The following LGR4 variants were observed in gnomAD, a reference collection of about 807,000 sequenced individuals.
The protein encoded by LGR4 is leucine rich repeat containing G protein-coupled receptor 4, also known as leucine-rich repeat-containing G protein-coupled receptor 4.
In LGR4, 44 loss-of-function variants were observed where a neutral mutation model predicts 84.8. The observed-to-expected ratio is 0.52, with a 90% CI of 0.41 to 0.67. LGR4 has a LOEUF of 0.67. Ranked by LOEUF, LGR4 falls within the 30% of genes least tolerant of loss-of-function variation. The probability of loss-of-function intolerance (pLI) is 0.00; values close to 1 mark genes in which losing one functional copy is unlikely to be tolerated. For missense variants in LGR4, 1,032 were observed against 1,131.4 expected (o/e 0.91, Z 1.26); for synonymous variants, 429 against 434.3 (o/e 0.99, Z 0.15).
Position 27,373,536 on chromosome 11 carries a change from T to C in LGR4, c.1379+15A>G. ...CCATAACTTCAACAAAAAAGAAAAA[T>C]AAGCAAAAACACACCTGAGGTTAAC... On this transcript the variant is annotated intron_variant, in intron 15 of 17. Transcript: ENST00000379214. The C allele has an allele frequency of 1.3e-6, 2 of 1,505,318 alleles. No individual in the cohort carries two copies. Among genetic ancestry groups the C allele is most frequent in the Non-Finnish European group, 1.8e-6 (2 of 1,122,288 alleles). The allele number at this position is 1,505,318 out of a possible 1,614,324, so 93.2% of individuals were successfully genotyped here. A position where few individuals can be genotyped will look rare whatever the true frequency, so the allele number is the denominator to read the frequency against.
At chr11:27,455,242 T>C (rs1357306498) in intron 1 of LGR4, among the ~76,000 whole-genome samples, 1 of 152,162 alleles carries the variant, frequency 6.6e-6, no homozygotes, top group South Asian at 2.1e-4. Flanking sequence ...ATTTTTAACA[T>C]ACCCTGGAGC....
chr11:27,373,555 G>C lies in LGR4; in HGVS notation c.1375C>G (p.Leu459Val), dbSNP rs1455612015. 1 of 1,566,256 alleles carries C rather than the reference G, an allele frequency of 6.4e-7. No homozygotes were observed. Among genetic ancestry groups the C allele is most frequent in the Admixed American group, 1.8e-5 (1 of 55,836 alleles). Residue 459 changes from leucine to valine, a missense_variant, in exon 15 of 18, where the codon CTC becomes GTC. Coordinates refer to ENST00000379214, the MANE Select transcript of LGR4 (RefSeq NM_018490.5). ...EALAAKDFVN[L>V]RSLSVPYAYQ... ...GAAAAATAAGCAAAAACACACCTGA[G>C]GTTAACAAAGTCTTTTGCTGCTAAG... is the stretch of plus-strand genomic sequence containing the variant.
chr11:27,418,820 G>A (rs956212518), intron 1 of LGR4, among the ~76,000 whole-genome samples: 2 of 148,778 alleles, frequency 1.3e-5, no homozygotes, highest in Non-Finnish European at 3.0e-5. Context: ...ATCTACTTTC[G>A]TGGATTGAAA....
In LGR4 at chr11:27,467,334, G is replaced by A. The variant is rs370456532; in HGVS notation, c.185+4784C>T. 1.2e-4 allele frequency among the ~76,000 whole-genome samples: 19 copies of A among 152,104 alleles called. 1 individual carries two copies. The South Asian group carries it at 3.1e-3, about 25-fold the overall frequency. On this transcript the variant is annotated intron_variant, in intron 1 of 17. Transcript: ENST00000379214. Reference sequence around the variant, plus strand: ...TGTAATCCCAGCACTTTGGGAGGCCGAGGCAGGAGGACCACGAGGTCAGGA... The same window carrying A: ...TGTAATCCCAGCACTTTGGGAGGCCAAGGCAGGAGGACCACGAGGTCAGGA...
At chr11:27,390,828 G>A (rs777790774) in intron 4 of LGR4, among the ~76,000 whole-genome samples, 2 of 152,110 alleles carry the variant, frequency 1.3e-5, no homozygotes, top group Non-Finnish European at 2.9e-5. Context: ...AAGGGATGCT[G>A]ATCACCAGCA....
chr11:27,426,972 C>T lies in LGR4; in HGVS notation c.186-14112G>A, dbSNP rs980334147. On this transcript the variant is annotated intron_variant, in intron 1 of 17. Transcript: ENST00000379214. ...TTAATGGGTCACAGTGGGGTGAGTCCCTCCCTGTAGCTAAAGTAATGACCT... is the reference window on the plus strand; with the variant it reads ...TTAATGGGTCACAGTGGGGTGAGTCTCTCCCTGTAGCTAAAGTAATGACCT... 3.3e-5 allele frequency among the ~76,000 whole-genome samples: 5 copies of T among 152,098 alleles called. No homozygotes were observed. The East Asian group carries it at 9.7e-4, about 29-fold the overall frequency.
At chr11:27,447,887 C>T (rs553880353) in intron 1 of LGR4, among the ~76,000 whole-genome samples, 1 of 152,276 alleles carries the variant, frequency 6.6e-6, no homozygotes, top group East Asian at 1.9e-4. Flanking sequence ...ACCAAAGTAT[C>T]GCATTTCACT....
At chr11:27,371,509 A>C (rs1300101588) in intron 17 of LGR4, 106 bp downstream of exon 17, 2 of 769,728 alleles carry the variant, frequency 2.6e-6, no homozygotes, top group African/African-American at 3.5e-5. Flanking sequence ...AGGATCCTCT[A>C]GTACCATCCC....
intron 1 of LGR4, among the ~76,000 whole-genome samples, chr11:27,461,822 A>G (rs1864686967): frequency 6.6e-6 from 1 of 150,394 alleles, no homozygotes; most frequent in Non-Finnish European, 1.5e-5. Flanking sequence ...AAGGTTCCCA[A>G]AGATTGAGTT....
intron 2 of LGR4, among the ~76,000 whole-genome samples, chr11:27,406,059 A>G (rs1231212905): frequency 6.6e-6 from 1 of 151,932 alleles, no homozygotes; most frequent in Non-Finnish European, 1.5e-5. Flanking sequence ...TTGCAACCAA[A>G]CCAACCATTT....
At chr11:27,434,877 G>A (rs907054188) in intron 1 of LGR4, among the ~76,000 whole-genome samples, 10 of 152,074 alleles carry the variant, frequency 6.6e-5, no homozygotes, top group African/African-American at 2.2e-4. Context: ...AAAGCCAAAC[G>A]GTATGATCTT....
intron 1 of LGR4, among the ~76,000 whole-genome samples, chr11:27,422,757 CTTTAAAGT>C (rs1280361150): frequency 6.6e-6 from 1 of 152,116 alleles, no homozygotes; most frequent in Non-Finnish European, 1.5e-5. Context: ...TTTTAAAAAC[CTTTAAAGT>C]TTCCCTTTTC....
chr11:27,459,726 C>T (rs562073854), intron 1 of LGR4, among the ~76,000 whole-genome samples: 1 of 151,830 alleles, frequency 6.6e-6, no homozygotes, highest in Admixed American at 6.6e-5. Flanking sequence ...CCACCCACCT[C>T]GGCCTCCCAA....
Position 27,368,293 on chromosome 11 carries a change from T to C in LGR4, c.2430A>G (p.Glu810=). Residue 810 remains glutamate, a synonymous_variant, in exon 18 of 18, where the codon GAA becomes GAG. Transcript: ENST00000379214. The stretch of plus-strand genomic sequence containing the variant: ...CACGTCGCTTCAGTAACTTCCAGTC[T>C]TCTTTAAACTTTGGGTTGAAGAAAA... ...LYVFFNPKFK[E]DWKLLKRRVT... is the part of the protein sequence containing the mutation. 6.2e-7 allele frequency: 1 copy of C among 1,614,244 alleles called. No individual in the cohort carries two copies. Among genetic ancestry groups the C allele is most frequent in the East Asian group, 2.2e-5 (1 of 44,884 alleles).
At chr11:27,376,216 A>G in intron 13 of LGR4, 83 bp downstream of exon 13, 2 of 794,920 alleles carry the variant, frequency 2.5e-6, no homozygotes, top group Non-Finnish European at 4.2e-6. Flanking sequence ...CTTTAAGTAT[A>G]TCTAGTAACA....
intron 2 of LGR4, among the ~76,000 whole-genome samples, chr11:27,394,683 T>C (rs946737682): frequency 6.6e-6 from 1 of 152,118 alleles, no homozygotes; most frequent in Admixed American, 6.6e-5. Context: ...ATCTTTTAAA[T>C]GTTTCACCTA....
intron 13 of LGR4, among the ~76,000 whole-genome samples, chr11:27,375,269 T>C (rs1445439996): frequency 1.4e-5 from 2 of 142,046 alleles, no homozygotes; most frequent in Non-Finnish European, 3.0e-5. Context: ...CATTCTAGCC[T>C]GAGCGACAAG....
intron 1 of LGR4, among the ~76,000 whole-genome samples, chr11:27,455,941 C>T (rs774029363): frequency 2.0e-5 from 3 of 152,102 alleles, no homozygotes; most frequent in Non-Finnish European, 2.9e-5. Flanking sequence ...ATAGATAACA[C>T]GTGTTACGCA....
At position 27,372,379 on chromosome 11, in the gene LGR4, C is replaced by T. The variant is rs575666563; in HGVS notation, c.1399G>A (p.Ala467Thr). 7 of 1,609,400 alleles carry T rather than the reference C, an allele frequency of 4.3e-6. No individual in the cohort carries two copies. In the Middle Eastern group the frequency reaches 5.0e-4, roughly 114 times the overall value. The change falls in exon 16 of 18, where the codon GCT becomes ACT. Residue 467 changes from alanine to threonine, a missense_variant. By Grantham distance (58) the Ala-to-Thr change is moderately conservative. Coordinates refer to ENST00000379214, the MANE Select transcript of LGR4 (RefSeq NM_018490.5). ...CCCCAAAATGCACAGCACTGATAAG[C>T]ATATGGTACTGATAAAGACCTGGAA... is the stretch of plus-strand genomic sequence containing the variant. ...VNLRSLSVPY[A>T]YQCCAFWGCD...
Sources: gnomAD v4.1 joint callset for allele counts (sites outside exome capture counted in the v4.1 genomes callset) on GRCh38, gnomAD v4.1.1 for gene constraint, MANE v1.5 for transcripts, NCBI Gene and HGNC (gene_info 2026-07-23, HGNC 2026-07-21) for gene names.